Variants in PTPRD observed in about 807,000 individuals in gnomAD.
PTPRD encodes the protein receptor-type tyrosine-protein phosphatase delta.
Under a neutral mutation model 214.5 loss-of-function variants are expected in PTPRD, and 34 were observed. The observed-to-expected ratio is 0.16, with a 90% confidence interval of 0.12 to 0.21. The LOEUF (loss-of-function observed/expected upper bound fraction) is 0.21. Ranked by LOEUF, PTPRD falls within the 10% of genes least tolerant of loss-of-function variation. The pLI is 1.00. For missense variants in PTPRD, 2,545 were observed against 2,398.7 expected (o/e 1.06, Z -1.27); for synonymous variants, 1,128 against 845.7 (o/e 1.33, Z -5.79).
intron 35 of PTPRD, among the ~76,000 whole-genome samples, chr9:8,430,272 T>A (rs1443669706): frequency 6.6e-6 from 1 of 151,894 alleles, no homozygotes; most frequent in Non-Finnish European, 1.5e-5. Flanking sequence ...TTTTTTATTT[T>A]TTTTTTACTT....
chr9:9,329,793 C>A (rs1413824497), intron 9 of PTPRD, among the ~76,000 whole-genome samples: 1 of 152,194 alleles, frequency 6.6e-6, no homozygotes, highest in Non-Finnish European at 1.5e-5. Context: ...ACTAAACTTG[C>A]ATTAATGCAA....
chr9:8,665,223 C>T (rs1001893011), intron 12 of PTPRD, among the ~76,000 whole-genome samples: 1 of 152,056 alleles, frequency 6.6e-6, no homozygotes, highest in East Asian at 1.9e-4. Flanking sequence ...AAAACAGAAA[C>T]AAATATTAAG....
chr9:9,575,169 A>C (rs1236399408), intron 7 of PTPRD, among the ~76,000 whole-genome samples: 2 of 152,194 alleles, frequency 1.3e-5, no homozygotes, highest in Non-Finnish European at 2.9e-5. Flanking sequence ...GCAAACATGT[A>C]CACACACAGC....
intron 8 of PTPRD, among the ~76,000 whole-genome samples, chr9:9,514,600 A>C (rs1424493534): frequency 1.3e-5 from 2 of 152,056 alleles, no homozygotes; most frequent in Non-Finnish European, 2.9e-5. Context: ...CTTATACTCC[A>C]TTTTTAGAAG....
At chr9:10,586,086 C>A (rs905120586) in intron 2 of PTPRD, among the ~76,000 whole-genome samples, 4 of 151,820 alleles carry the variant, frequency 2.6e-5, no homozygotes, top group Admixed American at 2.0e-4. Context: ...AAACACAGTG[C>A]AGTAAAGAAA....
chr9:10,349,853 G>C (rs1328553220), intron 2 of PTPRD, among the ~76,000 whole-genome samples: 1 of 152,048 alleles, frequency 6.6e-6, no homozygotes, highest in Non-Finnish European at 1.5e-5. Context: ...ATAGAGACAG[G>C]GTTTCACCAT....
intron 9 of PTPRD, among the ~76,000 whole-genome samples, chr9:9,275,058 TA>T (rs1391853349): frequency 1.5e-5 from 1 of 65,590 alleles, no homozygotes; most frequent in African/African-American, 5.9e-5. Flanking sequence ...TATATATGTA[TA>T]TATATATTAT....
chr9:8,559,854 G>A (rs1262879972), intron 14 of PTPRD, among the ~76,000 whole-genome samples: 6 of 152,216 alleles, frequency 3.9e-5, no homozygotes, highest in Non-Finnish European at 8.8e-5. Context: ...AATGTACATG[G>A]ATAGCTTCCA....
intron 10 of PTPRD, among the ~76,000 whole-genome samples, chr9:9,147,761 C>G (rs1036419156): frequency 1.3e-5 from 2 of 152,126 alleles, no homozygotes; most frequent in African/African-American, 2.4e-5. Context: ...ACCCTCCCCC[C>G]TCTCCCTGCT....
chr9:9,491,451 A>C (rs776926549), intron 8 of PTPRD, among the ~76,000 whole-genome samples: 12 of 151,996 alleles, frequency 7.9e-5, no homozygotes, highest in Non-Finnish European at 1.6e-4. Context: ...ATCTAACGGA[A>C]ATGTACAGAA....
chr9:10,186,963 T>C (rs1249843585), intron 3 of PTPRD, among the ~76,000 whole-genome samples: 6 of 152,136 alleles, frequency 3.9e-5, no homozygotes, highest in Admixed American at 3.9e-4. Context: ...TATTACTCAC[T>C]CATCATACCA....
intron 10 of PTPRD, among the ~76,000 whole-genome samples, chr9:9,088,573 T>C (rs1287053979): frequency 1.6e-5 from 1 of 62,536 alleles, no homozygotes; most frequent in Non-Finnish European, 2.8e-5. Flanking sequence ...GAGTGAGACT[T>C]AGTCTCAGAA....
intron 4 of PTPRD, among the ~76,000 whole-genome samples, chr9:9,989,987 C>T (rs73406425): frequency 0.025 from 3,812 of 152,264 alleles, 171 homozygotes; most frequent in African/African-American, 0.086. Context: ...GGGGACTATC[C>T]CATCTCAACT....
At chr9:9,939,650 G>A (rs533948898) in intron 4 of PTPRD, among the ~76,000 whole-genome samples, 53 of 152,190 alleles carry the variant, frequency 3.5e-4, no homozygotes, top group Admixed American at 9.8e-4. Flanking sequence ...CTGATGCCTG[G>A]TAACACCCTC....
intron 11 of PTPRD, among the ~76,000 whole-genome samples, chr9:8,968,628 C>T (rs905634990): frequency 1.3e-5 from 2 of 152,008 alleles, no homozygotes; most frequent in East Asian, 3.9e-4. Flanking sequence ...CCATTTTACA[C>T]ACAAAGGAAA....
intron 8 of PTPRD, among the ~76,000 whole-genome samples, chr9:9,440,372 T>C (rs535825896): frequency 6.6e-6 from 1 of 152,356 alleles, no homozygotes; most frequent in South Asian, 2.1e-4. Flanking sequence ...TCAGGCTTAT[T>C]TTCATCTATC....
chr9:8,975,113 A>AG (rs1406311109), intron 11 of PTPRD, among the ~76,000 whole-genome samples: 2 of 151,660 alleles, frequency 1.3e-5, no homozygotes, highest in Admixed American at 6.6e-5. Flanking sequence ...AAAAAAAAAA[A>AG]AGATTTTCAG....
intron 10 of PTPRD, among the ~76,000 whole-genome samples, chr9:9,132,165 AC>A (rs1428061344): frequency 6.6e-6 from 1 of 151,762 alleles, no homozygotes; most frequent in African/African-American, 2.4e-5. Context: ...CCGCCACCAT[AC>A]CTGGCTAATT....
chr9:8,536,370 A>C (rs1472045792), intron 14 of PTPRD, among the ~76,000 whole-genome samples: 1 of 152,018 alleles, frequency 6.6e-6, no homozygotes, highest in Non-Finnish European at 1.5e-5. Flanking sequence ...CTTTAAAAAT[A>C]GATCTACATT....
Sources: allele counts gnomAD v4.1 joint callset (sites outside exome capture counted in the v4.1 genomes callset), GRCh38; gene constraint gnomAD v4.1.1; transcripts MANE v1.5; gene names NCBI Gene and HGNC (gene_info 2026-07-23, HGNC 2026-07-21).